Variants in ZDHHC1 observed in about 807,000 individuals in gnomAD.
The protein encoded by ZDHHC1 is zDHHC palmitoyltransferase 1.
ZDHHC1 carries 45 observed loss-of-function variants against 46.9 expected under a neutral mutation model. The observed-to-expected ratio is 0.96, with a 90% CI of 0.76 to 1.23. ZDHHC1 has a LOEUF of 1.23. Among genes scored for constraint, ZDHHC1 ranks in the 50% most tolerant of loss-of-function variants. ZDHHC1 has a pLI of 0.00. For synonymous variants in ZDHHC1, 291 were observed against 286.0 expected (o/e 1.02, Z -0.18); for missense variants, 649 against 670.8 (o/e 0.97, Z 0.36).
At chr16:67,409,490 C>G (rs2040716939) in intron 1 of ZDHHC1, among the ~76,000 whole-genome samples, 1 of 152,354 alleles carries the variant, frequency 6.6e-6, no homozygotes, top group Admixed American at 6.5e-5. Flanking sequence ...TATAGACGCC[C>G]AGGCTGGCCC....
At chr16:67,395,652 C>T (rs1420045431) in intron 8 of ZDHHC1, 86 bp from the exon 9 acceptor site, 8 of 1,315,310 alleles carry the variant, frequency 6.1e-6, no homozygotes, top group Non-Finnish European at 8.5e-6. Flanking sequence ...GTCCTGCCCT[C>T]ATTGGCCTCT....
At chr16:67,407,738 T>A in intron 2 of ZDHHC1, 29 bp downstream of exon 2, 1 of 781,004 alleles carries the variant, frequency 1.3e-6, no homozygotes, top group Non-Finnish European at 2.4e-6. Context: ...GTCCCCTATG[T>A]CCCTTCCCCC....
At position 67,398,338 on chromosome 16, in the gene ZDHHC1, G is replaced by C; in HGVS notation, c.815-14C>G. 6.2e-7 allele frequency: 1 copy of C among 1,610,596 alleles called. No homozygotes were observed. The highest frequency in any genetic ancestry group is 8.5e-7 in the Non-Finnish European group (1 of 1,178,148). The stretch of plus-strand genomic sequence containing the variant: ...GCTTGTGCCACACTGGTGGGGGGAG[G>C]AGAGGGCTCAGTGCGGTGGAAGGGG... On this transcript the variant is annotated splice_polypyrimidine_tract_variant and intron_variant, in intron 7 of 11. Coordinates refer to ENST00000565726, the MANE Select transcript of ZDHHC1 (RefSeq NM_001323627.2).
chr16:67,409,168 C>T (rs2040710309), intron 1 of ZDHHC1, among the ~76,000 whole-genome samples: 1 of 152,136 alleles, frequency 6.6e-6, no homozygotes, highest in Admixed American at 6.5e-5. Context: ...TCACCATCTG[C>T]AGCCAGGCGC....
chr16:67,416,137 C>T (rs2040830781), intron 1 of ZDHHC1, 34 bp downstream of exon 1: 1 of 152,318 alleles, frequency 6.6e-6, no homozygotes, highest in African/African-American at 2.4e-5. Context: ...TCAAGCCAGG[C>T]TCCGAGGTGA....
At chr16:67,394,955 C>G in intron 11 of ZDHHC1, 47 bp downstream of exon 11, 2 of 1,574,362 alleles carry the variant, frequency 1.3e-6, no homozygotes, top group Non-Finnish European at 1.7e-6. Flanking sequence ...CTGCCTTCCC[C>G]TCCCTCGAGT....
intron 3 of ZDHHC1, among the ~76,000 whole-genome samples, chr16:67,402,122 G>A (rs907738320): frequency 1.3e-5 from 2 of 152,198 alleles, no homozygotes; most frequent in African/African-American, 2.4e-5. Flanking sequence ...TGTGCCATAA[G>A]CATAGCTAAG....
chr16:67,411,420 G>T (rs1401389613), intron 1 of ZDHHC1, among the ~76,000 whole-genome samples: 1 of 152,128 alleles, frequency 6.6e-6, no homozygotes, highest in Non-Finnish European at 1.5e-5. Flanking sequence ...TCTGGTTCCC[G>T]AGCTGCCACT....
Position 67,416,378 on chromosome 16 carries a change from T to C in ZDHHC1, c.-246A>G, listed in dbSNP as rs1014309845. On this transcript the variant is annotated 5_prime_UTR_variant, in exon 1 of 12. Coordinates refer to ENST00000565726, the MANE Select transcript of ZDHHC1 (RefSeq NM_001323627.2). ...CCGGTGAGTCCTCGAGCTCTGGCTCTGGCTCCGGCTCCGGCTCCGGCTCCG... is the reference window on the plus strand; with the variant it reads ...CCGGTGAGTCCTCGAGCTCTGGCTCCGGCTCCGGCTCCGGCTCCGGCTCCG... 56 of 202,844 alleles carry C rather than the reference T, an allele frequency of 2.8e-4. 1 individual carries two copies. Among genetic ancestry groups the C allele is most frequent in the Non-Finnish European group, 4.0e-4 (39 of 98,472 alleles). The allele number at this position is 202,844 out of a possible 1,614,324, so 12.6% of individuals were successfully genotyped here.
intron 4 of ZDHHC1, 108 bp from the exon 5 acceptor site, chr16:67,399,564 T>C (rs1006628331): frequency 2.9e-5 from 26 of 886,854 alleles, no homozygotes; most frequent in Non-Finnish European, 4.2e-5. Context: ...GCGCCAGGCC[T>C]GAGACAGCCC....
In ZDHHC1 at chr16:67,394,841, G is replaced by A; in HGVS notation, c.1218C>T (p.Ala406=). 1 of 1,552,492 alleles carries A rather than the reference G, an allele frequency of 6.4e-7. No homozygotes were observed. The highest frequency in any genetic ancestry group is 8.7e-7 in the Non-Finnish European group (1 of 1,152,378). The change falls in exon 12 of 12, where the codon GCC becomes GCT. Residue 406 remains alanine (A), a synonymous_variant. Transcript: ENST00000565726. The part of the protein sequence containing the change: ...RSSSSTDSAD[A]SPVHAAGPAG... ...CAGGGCCAGCGGCGTGCACAGGGCTGGCGTCCGCGGAATCCGTCGACGAGC... is the reference window on the plus strand; with the variant it reads ...CAGGGCCAGCGGCGTGCACAGGGCTAGCGTCCGCGGAATCCGTCGACGAGC...
In ZDHHC1 at chr16:67,416,422, G is replaced by T; in HGVS notation, c.-290C>A. On this transcript the variant is annotated 5_prime_UTR_variant, in exon 1 of 12. It adds an upstream start codon to the 5' untranslated region. Transcript: ENST00000565726. ...GGCTCCGGCTCCGGCTCCGGCTCCA[G>T]CAGGCTGGAGGGGCGGCCAGGCCAG... 2 of 210,538 alleles carry T rather than the reference G, an allele frequency of 9.5e-6. No homozygotes were observed. Among genetic ancestry groups the T allele is most frequent in the Non-Finnish European group, 9.7e-6 (1 of 102,906 alleles). The allele number at this position is 210,538 out of a possible 1,614,324, so 13.0% of individuals were successfully genotyped here.
At chr16:67,404,519 G>A (rs562051234) in intron 3 of ZDHHC1, 1 of 353,040 alleles carries the variant, frequency 2.8e-6, no homozygotes, top group Non-Finnish European at 5.7e-6. Flanking sequence ...AGGAAGGAGA[G>A]CATATAGGCT....
chr16:67,407,380 G>T (rs2040680487), intron 2 of ZDHHC1, among the ~76,000 whole-genome samples: 1 of 152,232 alleles, frequency 6.6e-6, no homozygotes, highest in Non-Finnish European at 1.5e-5. Context: ...AAGGCCAGGA[G>T]CTGGGACTAA....
Position 67,406,302 on chromosome 16 carries a change from C to T in ZDHHC1, c.150G>A (p.Pro50=), listed in dbSNP as rs114187593. 1,939 of 1,607,718 alleles carry T rather than the reference C, an allele frequency of 1.2e-3. 20 individuals are homozygous for T. The African/African-American group carries it at 0.022, about 18-fold the overall frequency. The part of the protein sequence containing the change: ...RRNGWSWPPH[P]LQIVAWLLYL... The stretch of plus-strand genomic sequence containing the variant: ...ACAGCAGCCAGGCCACAATCTGGAG[C>T]GGGTGAGGGGGCCAGCTCCACCCAT... Residue 50 remains proline (P), a synonymous_variant, in exon 3 of 12, where the codon CCG becomes CCA. Transcript: ENST00000565726. This position sits in a 1 kb window ranked among gnomAD's most constrained non-coding sequence, Gnocchi z 4.1.
Position 67,399,239 on chromosome 16 carries a change from C to G in ZDHHC1, c.530+116G>C. On this transcript the variant is annotated intron_variant, in intron 5 of 11. Transcript: ENST00000565726. ...GGGCAGCACCCCCGCATAAAACGGG[C>G]ACAGGTCCTCGAAGCATCCCCATCC... 4 of 980,890 alleles carry G rather than the reference C, an allele frequency of 4.1e-6. No homozygotes were observed. In the South Asian group the frequency reaches 6.4e-5, roughly 16 times the overall value. 60.8% of individuals were successfully genotyped at this position (980,890 alleles called of 1,614,324 possible).
At chr16:67,408,492 G>GT (rs1347292109) in intron 1 of ZDHHC1, among the ~76,000 whole-genome samples, 1 of 149,244 alleles carries the variant, frequency 6.7e-6, no homozygotes, top group Non-Finnish European at 1.5e-5. Flanking sequence ...GTTTTGTTTT[G>GT]TTTTTTGTTT....
rs112645667 is a variant in ZDHHC1 at position 67,399,993 on chromosome 16, G to A, written c.429-537C>T. Among the ~76,000 whole-genome samples, 15 of 152,368 alleles carry A rather than the reference G, an allele frequency of 9.8e-5. 1 individual carries two copies. Among genetic ancestry groups the A allele is most frequent in the African/African-American group, 3.6e-4 (15 of 41,586 alleles). On this transcript the variant is annotated intron_variant, in intron 4 of 11. Transcript: ENST00000565726. ...TGCAGGCTGCCATCCGCGTGAGCATGCAGGTGCTCACCACAGGGGCTCAGG... is the reference window on the plus strand; with the variant it reads ...TGCAGGCTGCCATCCGCGTGAGCATACAGGTGCTCACCACAGGGGCTCAGG...
chr16:67,398,317 G>C lies in ZDHHC1; in HGVS notation c.822C>G (p.His274Gln). 1 of 1,613,342 alleles carries C rather than the reference G, an allele frequency of 6.2e-7. No individual in the cohort carries two copies. Among genetic ancestry groups the C allele is most frequent in the Non-Finnish European group, 8.5e-7 (1 of 1,179,626 alleles). ...CGATGTACTCATAGGTGGTGAGCTT[G>C]TGCCACACTGGTGGGGGGAGGAGAG... The part of the protein sequence containing the change: ...LLCFHIYLMW[H>Q]KLTTYEYIVQ... Residue 274 changes from histidine to glutamine, a missense_variant, in exon 8 of 12, where the codon CAC becomes CAG. Coordinates refer to ENST00000565726, the MANE Select transcript of ZDHHC1 (RefSeq NM_001323627.2).
Sources: allele counts gnomAD v4.1 joint callset (sites outside exome capture counted in the v4.1 genomes callset), GRCh38; gene constraint gnomAD v4.1.1; non-coding constraint Gnocchi (gnomAD v3.1); transcripts MANE v1.5; gene names NCBI Gene and HGNC (gene_info 2026-07-23, HGNC 2026-07-21).